EVA1C: variants seen among roughly 807,000 people sequenced by gnomAD.
EVA1C encodes the protein protein eva-1 homolog C.
Under a neutral mutation model 45.4 loss-of-function variants are expected in EVA1C, and 25 were observed. The ratio of observed to expected loss-of-function variants is 0.55; its 90% CI spans 0.40 to 0.77. The LOEUF is 0.77. EVA1C is among the 30% of genes least tolerant of loss of function. The pLI is 0.00. For synonymous variants in EVA1C, 190 were observed against 221.2 expected (o/e 0.86, Z 1.25); for missense variants, 479 against 554.8 (o/e 0.86, Z 1.37).
chr21:32,419,736 A>AAAAC (rs920817144), intron 1 of EVA1C, among the ~76,000 whole-genome samples: 1 of 151,980 alleles, frequency 6.6e-6, no homozygotes, highest in Non-Finnish European at 1.5e-5. Context: ...ACAAAAAACA[A>AAAAC]AAACAAACAA....
In EVA1C at chr21:32,459,440, C is replaced by T. The variant is rs576593353; in HGVS notation, c.481+1720C>T. Among the ~76,000 whole-genome samples the T allele has an allele frequency of 4.9e-4, 75 of 152,342 alleles. 2 individuals carry two copies. The highest frequency in any genetic ancestry group is 3.4e-3 in the Middle Eastern group (1 of 294). On this transcript the variant is annotated intron_variant, in intron 3 of 7. Coordinates refer to ENST00000300255, the MANE Select transcript of EVA1C (RefSeq NM_058187.5). ...CCCTCCAACCGCTGAATCTCACAGACGACTGTGTCATAGCCTTGAAGACAC... is the reference window on the plus strand; with the variant it reads ...CCCTCCAACCGCTGAATCTCACAGATGACTGTGTCATAGCCTTGAAGACAC...
At chr21:32,414,307 T>G (rs1265685868) in intron 1 of EVA1C, among the ~76,000 whole-genome samples, 1 of 152,210 alleles carries the variant, frequency 6.6e-6, no homozygotes, top group East Asian at 1.9e-4. Context: ...TATTAACTTT[T>G]TTTTTTGTAC....
At chr21:32,429,986 CA>C (rs2034635743) in intron 1 of EVA1C, among the ~76,000 whole-genome samples, 1 of 152,104 alleles carries the variant, frequency 6.6e-6, no homozygotes, top group Admixed American at 6.6e-5. Context: ...GAGATGGCCA[CA>C]TCTCAAGTGC....
intron 4 of EVA1C, among the ~76,000 whole-genome samples, 170 bp from the exon 5 acceptor site, chr21:32,494,857 A>T (rs2037290575): frequency 6.6e-6 from 1 of 152,136 alleles, no homozygotes; most frequent in African/African-American, 2.4e-5. Context: ...CAGGATCATG[A>T]TGCTGGCTCT....
chr21:32,419,176 T>C (rs2034164511), intron 1 of EVA1C, among the ~76,000 whole-genome samples: 2 of 152,174 alleles, frequency 1.3e-5, no homozygotes, highest in African/African-American at 4.8e-5. Context: ...GGAAGGTTTG[T>C]TGCGTAGATG....
intron 1 of EVA1C, among the ~76,000 whole-genome samples, chr21:32,418,797 T>G (rs150874063): frequency 6.6e-6 from 1 of 152,214 alleles, no homozygotes; most frequent in African/African-American, 2.4e-5. Flanking sequence ...TTCTTGAAAG[T>G]TCATGGGGTC....
intron 4 of EVA1C, among the ~76,000 whole-genome samples, chr21:32,483,794 A>T (rs2036873937): frequency 6.6e-6 from 1 of 152,132 alleles, no homozygotes. Context: ...CTGTGTGCCC[A>T]GCACCTGATT....
rs774611494 is a variant in EVA1C, at chr21:32,482,854, CTTTTTTTTT to C, written c.635-12160_635-12152del. The stretch of plus-strand genomic sequence containing the variant: ...GGTGGTCACATCCCAGTGTTATTCC[CTTTTTTTTT>C]TTTTTTTTTTTTGGAGACAGAGTCT... On this transcript the variant is annotated intron_variant, in intron 4 of 7. Transcript: ENST00000300255. Among the ~76,000 whole-genome samples the C allele has an allele frequency of 8.2e-5, 5 of 60,968 alleles. No individual in the cohort carries two copies. In the East Asian group the frequency reaches 2.9e-3, roughly 35 times the overall value. The allele number at this position is 60,968 out of a possible 152,430, so 40.0% of individuals were successfully genotyped here. A position where few individuals can be genotyped will look rare whatever the true frequency, so the allele number is the denominator to read the frequency against.
chr21:32,448,916 G>GAAAGAAAGAGAGAA lies in EVA1C; in HGVS notation c.161-4395_161-4394insAAGAAAGAGAGAAA, dbSNP rs60517808. ...AAAGAAAAAAAAAGAAAGGAGAAAA[G>GAAAGAAAGAGAGAA]AGAGAAAGAAAGAAAGAGAGAGAAA... On this transcript the variant is annotated intron_variant, in intron 1 of 7. Coordinates refer to ENST00000300255, the MANE Select transcript of EVA1C (RefSeq NM_058187.5). Among the ~76,000 whole-genome samples, 6 of 145,938 alleles carry GAAAGAAAGAGAGAA rather than the reference G, an allele frequency of 4.1e-5. No homozygotes were observed. In the Admixed American group the frequency reaches 4.2e-4, roughly 10 times the overall value.
At chr21:32,424,919 T>C (rs1488689215) in intron 1 of EVA1C, among the ~76,000 whole-genome samples, 6 of 152,124 alleles carry the variant, frequency 3.9e-5, no homozygotes, top group African/African-American at 1.4e-4. Context: ...TGCACTGGCA[T>C]GATTGTGACT....
chr21:32,453,463 C>T lies in EVA1C; in HGVS notation c.312C>T (p.Ser104=), dbSNP rs780733308. The T allele has an allele frequency of 6.2e-7, 1 of 1,611,224 alleles. No homozygotes were observed. Among genetic ancestry groups the T allele is most frequent in the East Asian group, 2.2e-5 (1 of 44,868 alleles). The part of the protein sequence containing the change: ...YQMCSSQKPA[S]QREDSLTCVA... The stretch of plus-strand genomic sequence containing the variant: ...TGTGTAGTTCCCAGAAGCCTGCCTC[C>T]CAGAGGGAAGACAGCTTAACCTGTG... The change falls in exon 2 of 8, where the codon TCC becomes TCT. Residue 104 remains serine (S), a synonymous_variant. Transcript: ENST00000300255.
intron 5 of EVA1C, among the ~76,000 whole-genome samples, chr21:32,499,647 A>C (rs2037466350): frequency 6.6e-6 from 1 of 152,224 alleles, no homozygotes; most frequent in Admixed American, 6.5e-5. Flanking sequence ...CTTTTATAAA[A>C]AAGCAGTGCA....
chr21:32,510,434 G>A (rs1344759536), intron 7 of EVA1C, among the ~76,000 whole-genome samples: 3 of 152,304 alleles, frequency 2.0e-5, no homozygotes, highest in African/African-American at 4.8e-5. Context: ...GTCAGGCAGT[G>A]ATGTGACCCA....
At chr21:32,465,276 C>A (rs1339879420) in intron 3 of EVA1C, among the ~76,000 whole-genome samples, 1 of 152,128 alleles carries the variant, frequency 6.6e-6, no homozygotes, top group Non-Finnish European at 1.5e-5. Flanking sequence ...CACTTCCAAT[C>A]CAGGAAAGAA....
intron 4 of EVA1C, among the ~76,000 whole-genome samples, chr21:32,476,539 G>A (rs1348712152): frequency 6.6e-6 from 1 of 152,148 alleles, no homozygotes; most frequent in Non-Finnish European, 1.5e-5. Context: ...CACTCCGGAG[G>A]CTGAGGCCGG....
rs375242632 is a variant in EVA1C, at chr21:32,480,845, C to T, written c.634+12997C>T. On this transcript the variant is annotated intron_variant, in intron 4 of 7. Coordinates refer to ENST00000300255, the MANE Select transcript of EVA1C (RefSeq NM_058187.5). ...GGTCATGGTGGCAGATGCCTGTAAT[C>T]CCAGCTACTCAGGAGGCTGAGGCAG... Among the ~76,000 whole-genome samples the T allele has an allele frequency of 1.1e-3, 169 of 152,050 alleles. 2 individuals carry two copies. Among genetic ancestry groups the T allele is most frequent in the African/African-American group, 4.0e-3 (165 of 41,492 alleles).
chr21:32,430,606 G>A (rs560455334), intron 1 of EVA1C, among the ~76,000 whole-genome samples: 150 of 152,248 alleles, frequency 9.9e-4, no homozygotes, highest in Non-Finnish European at 1.4e-3. Flanking sequence ...AGCAGAAGGT[G>A]TAGGAGGAGC....
intron 1 of EVA1C, among the ~76,000 whole-genome samples, chr21:32,429,045 G>C (rs1343038562): frequency 6.9e-6 from 1 of 144,766 alleles, no homozygotes; most frequent in East Asian, 1.9e-4. Context: ...TTTTGAGACA[G>C]GGTCTCGCTC....
chr21:32,498,764 G>A (rs1231371610), intron 5 of EVA1C, among the ~76,000 whole-genome samples: 1 of 152,126 alleles, frequency 6.6e-6, no homozygotes, highest in East Asian at 1.9e-4. Context: ...AGATGGCCCT[G>A]GTTTAAACTG....
Sources: gnomAD v4.1 joint callset for allele counts (sites outside exome capture counted in the v4.1 genomes callset) on GRCh38, gnomAD v4.1.1 for gene constraint, MANE v1.5 for transcripts, NCBI Gene and HGNC (gene_info 2026-07-23, HGNC 2026-07-21) for gene names.